MACROD2: variants seen among roughly 807,000 people sequenced by gnomAD.
MACROD2 encodes ADP-ribose glycohydrolase MACROD2.
A neutral mutation model predicts 70.4 loss-of-function variants in MACROD2; 36 were observed. The observed-to-expected ratio is 0.51, with a 90% confidence interval of 0.39 to 0.68. The LOEUF (loss-of-function observed/expected upper bound fraction) is 0.68. MACROD2 is among the 30% of genes least tolerant of loss of function. MACROD2 has a pLI of 0.00. For missense variants in MACROD2, 496 were observed against 538.4 expected (o/e 0.92, Z 0.78); for synonymous variants, 172 against 178.8 (o/e 0.96, Z 0.30).
chr20:15,560,762 C>CAAAAAAAAAA lies in MACROD2; in HGVS notation c.645+60935_645+60944dup, dbSNP rs71190190. 2.8e-3 allele frequency among the ~76,000 whole-genome samples: 62 copies of CAAAAAAAAAA among 22,080 alleles called. 3 individuals carry two copies. The highest frequency in any genetic ancestry group is 0.018 in the East Asian group (16 of 868). 14.5% of individuals were successfully genotyped at this position (22,080 alleles called of 152,430 possible). On this transcript the variant is annotated intron_variant, in intron 8 of 17. Coordinates refer to ENST00000684519, the MANE Select transcript of MACROD2 (RefSeq NM_001351661.2). The stretch of plus-strand genomic sequence containing the variant: ...TGGGCCACAGGGCATAACAAAGTCT[C>CAAAAAAAAAA]AAAAAAAAAAAAAAAAAAAAAAAAA...
At chr20:15,651,798 A>T (rs1324458700) in intron 8 of MACROD2, among the ~76,000 whole-genome samples, 1 of 152,174 alleles carries the variant, frequency 6.6e-6, no homozygotes, top group Admixed American at 6.5e-5. Context: ...CTCGATCTCT[A>T]TAAATTTCCT....
intron 3 of MACROD2, among the ~76,000 whole-genome samples, chr20:14,485,483 C>T (rs559029245): frequency 3.3e-5 from 5 of 152,138 alleles, no homozygotes; most frequent in South Asian, 2.1e-4. Flanking sequence ...GGGCGAATCA[C>T]GAGGTCGGGA....
At chr20:15,269,630 G>A (rs1326723942) in intron 6 of MACROD2, among the ~76,000 whole-genome samples, 2 of 151,962 alleles carry the variant, frequency 1.3e-5, no homozygotes, top group African/African-American at 4.8e-5. Flanking sequence ...TATGCTTAGG[G>A]GCCACCTTCC....
intron 7 of MACROD2, among the ~76,000 whole-genome samples, chr20:15,451,899 C>A (rs1380627209): frequency 3.3e-5 from 5 of 152,058 alleles, no homozygotes; most frequent in Admixed American, 3.3e-4. Context: ...AGGGGAAGGG[C>A]CTCATCCTGG....
chr20:14,131,858 G>A (rs997877911), intron 3 of MACROD2, among the ~76,000 whole-genome samples: 3 of 152,096 alleles, frequency 2.0e-5, no homozygotes, highest in Admixed American at 6.6e-5. Context: ...TCGGCCGCGC[G>A]CGGTGGCTCA....
At chr20:15,690,875 A>G (rs1266398772) in intron 8 of MACROD2, among the ~76,000 whole-genome samples, 4 of 152,126 alleles carry the variant, frequency 2.6e-5, no homozygotes, top group Non-Finnish European at 5.9e-5. Flanking sequence ...CTTTATATTT[A>G]TTATGTCATT....
At chr20:14,992,603 T>C (rs2074914754) in intron 5 of MACROD2, among the ~76,000 whole-genome samples, 1 of 151,960 alleles carries the variant, frequency 6.6e-6, no homozygotes, top group African/African-American at 2.4e-5. Context: ...TTACACAAAT[T>C]ATTTTCTCCC....
At chr20:15,600,109 C>T (rs1022092066) in intron 8 of MACROD2, among the ~76,000 whole-genome samples, 9 of 152,130 alleles carry the variant, frequency 5.9e-5, no homozygotes, top group African/African-American at 2.2e-4. Flanking sequence ...TTAATAGCCA[C>T]TATTCTTGGG....
At chr20:15,816,617 C>T (rs1329349863) in intron 8 of MACROD2, among the ~76,000 whole-genome samples, 1 of 152,204 alleles carries the variant, frequency 6.6e-6, no homozygotes, top group African/African-American at 2.4e-5. Context: ...CCCACGGCTT[C>T]TTCCTTCTGC....
intron 9 of MACROD2, among the ~76,000 whole-genome samples, chr20:15,884,548 T>C (rs1481698250): frequency 6.6e-6 from 1 of 152,024 alleles, no homozygotes; most frequent in Non-Finnish European, 1.5e-5. Flanking sequence ...AGAGCTGTAT[T>C]TTAAGACTGA....
At chr20:15,734,810 A>G (rs1476063674) in intron 8 of MACROD2, among the ~76,000 whole-genome samples, 2 of 152,202 alleles carry the variant, frequency 1.3e-5, no homozygotes, top group Non-Finnish European at 2.9e-5. Flanking sequence ...TGATTCAATG[A>G]AATACATTCA....
At chr20:15,359,349 T>C (rs925653067) in intron 6 of MACROD2, among the ~76,000 whole-genome samples, 2 of 152,074 alleles carry the variant, frequency 1.3e-5, no homozygotes, top group Non-Finnish European at 2.9e-5. Context: ...GATTTTTTAA[T>C]TTTTATTTTC....
At chr20:15,827,298 A>G (rs1369608657) in intron 8 of MACROD2, among the ~76,000 whole-genome samples, 1 of 152,188 alleles carries the variant, frequency 6.6e-6, no homozygotes, top group Non-Finnish European at 1.5e-5. Context: ...CATTTCAATA[A>G]ATATTAAGGG....
intron 6 of MACROD2, among the ~76,000 whole-genome samples, chr20:15,425,898 T>A (rs1376180426): frequency 1.3e-5 from 2 of 152,002 alleles, no homozygotes; most frequent in African/African-American, 4.8e-5. Context: ...TGGCTTAGGG[T>A]TTATTGTGTA....
intron 7 of MACROD2, among the ~76,000 whole-genome samples, chr20:15,479,418 G>A (rs1035747709): frequency 3.2e-4 from 48 of 150,168 alleles, no homozygotes; most frequent in Non-Finnish European, 5.5e-4. Context: ...GACTACAGGC[G>A]CCCGCCACTA....
intron 5 of MACROD2, among the ~76,000 whole-genome samples, chr20:15,222,362 G>A (rs2076869787): frequency 6.6e-6 from 1 of 152,210 alleles, no homozygotes; most frequent in Admixed American, 6.5e-5. Context: ...ACTGACCTAT[G>A]TGGAAAGAAG....
At chr20:14,877,356 G>A (rs1030533247) in intron 5 of MACROD2, among the ~76,000 whole-genome samples, 1 of 151,978 alleles carries the variant, frequency 6.6e-6, no homozygotes, top group African/African-American at 2.4e-5. Flanking sequence ...GACTTTTGGT[G>A]GTGTTTTTAG....
intron 10 of MACROD2, among the ~76,000 whole-genome samples, chr20:15,920,742 G>C (rs1027648826): frequency 1.3e-5 from 2 of 152,148 alleles, no homozygotes; most frequent in Non-Finnish European, 2.9e-5. Context: ...TCTGCTCCCT[G>C]CTAGCTATGG....
chr20:14,821,361 A>G (rs74915679), intron 5 of MACROD2, among the ~76,000 whole-genome samples: 3,661 of 152,118 alleles, frequency 0.024, 155 homozygotes, highest in African/African-American at 0.084. Context: ...CTACGTGTCA[A>G]TAACTAGCAG....
Sources: allele counts gnomAD v4.1 joint callset (sites outside exome capture counted in the v4.1 genomes callset), GRCh38; gene constraint gnomAD v4.1.1; transcripts MANE v1.5; gene names NCBI Gene and HGNC (gene_info 2026-07-23, HGNC 2026-07-21).